The following BRINP1 variants were observed in gnomAD, a reference collection of about 807,000 sequenced individuals.
BRINP1 encodes BMP/retinoic acid inducible neural specific 1.
In BRINP1, 17 loss-of-function variants were observed where a neutral mutation model predicts 72.9. The ratio of observed to expected loss-of-function variants is 0.23; its 90% CI spans 0.16 to 0.35. BRINP1 has a LOEUF of 0.35. Ranked by LOEUF, BRINP1 falls within the 10% of genes least tolerant of loss-of-function variation. BRINP1 has a pLI of 1.00. For missense variants in BRINP1, 850 were observed against 1,001.6 expected (o/e 0.85, Z 2.04); for synonymous variants, 418 against 378.5 (o/e 1.10, Z -1.21).
At chr9:119,363,575 T>C (rs1831657250) in intron 1 of BRINP1, among the ~76,000 whole-genome samples, 1 of 152,224 alleles carries the variant, frequency 6.6e-6, no homozygotes, top group South Asian at 2.1e-4. Context: ...TTACCACGAC[T>C]AGTGGTGTGA....
At position 119,168,225 on chromosome 9, in the gene BRINP1, C is replaced by A; in HGVS notation, c.1146-1G>T. 1 of 1,499,638 alleles carries A rather than the reference C, an allele frequency of 6.7e-7. No individual in the cohort carries two copies. The allele number at this position is 1,499,638 out of a possible 1,614,324, so 92.9% of individuals were successfully genotyped here. A position where few individuals can be genotyped will look rare whatever the true frequency, so the allele number is the denominator to read the frequency against. ...CCTTGCAAGCCACTGCTGAATTGTC[C>A]TGGGAGATAAAGGAAAATTGGAGAA... On this transcript the variant is annotated splice_acceptor_variant, in intron 7 of 7. Transcript: ENST00000265922. LOFTEE classifies it high-confidence loss of function.
At chr9:119,318,222 G>T (rs975318607) in intron 1 of BRINP1, among the ~76,000 whole-genome samples, 2 of 152,150 alleles carry the variant, frequency 1.3e-5, no homozygotes, top group African/African-American at 4.8e-5. Flanking sequence ...TGAAAATGTG[G>T]TGAGGACACA....
At chr9:119,365,399 T>C (rs1259124503) in intron 1 of BRINP1, among the ~76,000 whole-genome samples, 2 of 152,332 alleles carry the variant, frequency 1.3e-5, no homozygotes, top group East Asian at 3.9e-4. Flanking sequence ...GTCTTTAACA[T>C]GGTTACCAGT....
chr9:119,222,025 TAAAC>T (rs1266383916), intron 5 of BRINP1, among the ~76,000 whole-genome samples: 3 of 152,232 alleles, frequency 2.0e-5, no homozygotes, highest in Admixed American at 6.6e-5. Context: ...TCTCCAAACT[TAAAC>T]AAGTTCACAT....
intron 1 of BRINP1, among the ~76,000 whole-genome samples, chr9:119,328,036 C>T (rs992979852): frequency 1.3e-5 from 2 of 151,950 alleles, no homozygotes; most frequent in Non-Finnish European, 2.9e-5. Context: ...AAGAGTAATG[C>T]AAATAAATAG....
At chr9:119,256,901 G>T (rs1830452649) in intron 2 of BRINP1, among the ~76,000 whole-genome samples, 1 of 152,236 alleles carries the variant, frequency 6.6e-6, no homozygotes, top group African/African-American at 2.4e-5. Flanking sequence ...TCGCTTACAT[G>T]AATCTGATCT....
chr9:119,208,808 C>T lies in BRINP1; in HGVS notation c.1056G>A (p.Gln352=), dbSNP rs1353672931. 6.2e-7 allele frequency: 1 copy of T among 1,614,212 alleles called. No homozygotes were observed. The highest frequency in any genetic ancestry group is 1.7e-5 in the Admixed American group (1 of 60,026). The change falls in exon 7 of 8, where the codon CAG becomes CAA. Residue 352 remains glutamine (Q), a synonymous_variant. Coordinates refer to ENST00000265922, the MANE Select transcript of BRINP1 (RefSeq NM_014618.3). ...YKLLQSATEA[Q]RQKIQRTARK... ...GGGCAGTGCGTTGGATCTTTTGTCT[C>T]TGTGCCTCCGTGGCACTCTGCAGGA... is the stretch of plus-strand genomic sequence containing the variant.
At chr9:119,292,638 T>C (rs1316545469) in intron 2 of BRINP1, among the ~76,000 whole-genome samples, 3 of 152,176 alleles carry the variant, frequency 2.0e-5, no homozygotes, top group Non-Finnish European at 2.9e-5. Flanking sequence ...ACTATGAAAG[T>C]CCAACTTCTA....
At chr9:119,324,648 G>A (rs1831219930) in intron 1 of BRINP1, among the ~76,000 whole-genome samples, 1 of 152,168 alleles carries the variant, frequency 6.6e-6, no homozygotes, top group African/African-American at 2.4e-5. Flanking sequence ...CATTAATGCT[G>A]ACCCTTGCTC....
chr9:119,255,940 G>A (rs1830442235), intron 2 of BRINP1, among the ~76,000 whole-genome samples: 1 of 126,436 alleles, frequency 7.9e-6, no homozygotes. Context: ...GGGCAACGGA[G>A]CAAGACTCCA....
At chr9:119,245,383 A>G (rs1830303522) in intron 3 of BRINP1, among the ~76,000 whole-genome samples, 1 of 152,192 alleles carries the variant, frequency 6.6e-6, no homozygotes, top group African/African-American at 2.4e-5. Flanking sequence ...ATGTACTTCC[A>G]TGCACGCATA....
In BRINP1 at chr9:119,214,100, C is replaced by T. The variant is rs771371899; in HGVS notation, c.741G>A (p.Leu247=). 1 of 1,614,180 alleles carries T rather than the reference C, an allele frequency of 6.2e-7. No individual in the cohort carries two copies. The highest frequency in any genetic ancestry group is 1.1e-5 in the South Asian group (1 of 91,080). Residue 247 remains leucine, a synonymous_variant, in exon 6 of 8, where the codon TTG becomes TTA. Transcript: ENST00000265922. ...YLQEKFVQSA[L]SYIMCNGEGE... is the part of the protein sequence containing the mutation. ...CCTCCCCATTGCACATGATATAGCT[C>T]AAGGCCGACTGGACAAACTTCTCTT...
At position 119,167,789 on chromosome 9, in the gene BRINP1, A is replaced by G. The variant is rs376040934; in HGVS notation, c.1581T>C (p.Thr527=). 90 of 1,613,588 alleles carry G rather than the reference A, an allele frequency of 5.6e-5. No homozygotes were observed. The highest frequency in any genetic ancestry group is 7.0e-5 in the Non-Finnish European group (83 of 1,179,984). ...DPRWRKRMSL[T]LKSNKNRMDF... ...CCATGCGGTTCTTGTTGCTCTTGAGAGTGAGGGACATGCGCTTGCGCCACC... is the reference window on the plus strand; with the variant it reads ...CCATGCGGTTCTTGTTGCTCTTGAGGGTGAGGGACATGCGCTTGCGCCACC... The change falls in exon 8 of 8, where the codon ACT becomes ACC. Residue 527 remains threonine, a synonymous_variant. Coordinates refer to ENST00000265922, the MANE Select transcript of BRINP1 (RefSeq NM_014618.3). The surrounding 1 kb of genome is among the most constrained non-coding windows in gnomAD (Gnocchi z 4.3).
chr9:119,292,793 T>G (rs1038476444), intron 2 of BRINP1, among the ~76,000 whole-genome samples: 1 of 152,120 alleles, frequency 6.6e-6, no homozygotes, highest in African/African-American at 2.4e-5. Context: ...ATGATGAGGG[T>G]TTTTTGTTGC....
chr9:119,318,702 C>A (rs981873388), intron 1 of BRINP1, among the ~76,000 whole-genome samples: 3 of 152,146 alleles, frequency 2.0e-5, no homozygotes, highest in Admixed American at 2.0e-4. Context: ...AGCCCTTCTA[C>A]ATGGCTTCTA....
At chr9:119,220,836 G>C (rs929944749) in intron 5 of BRINP1, among the ~76,000 whole-genome samples, 8 of 152,110 alleles carry the variant, frequency 5.3e-5, no homozygotes, top group Admixed American at 2.6e-4. Context: ...TGAAACATGA[G>C]CATGGTCTGA....
chr9:119,216,510 A>G lies in BRINP1; in HGVS notation c.686-2355T>C, dbSNP rs75487833. Among the ~76,000 whole-genome samples the G allele has an allele frequency of 5.9e-5, 9 of 152,286 alleles. No homozygotes were observed. The East Asian group carries it at 1.4e-3, about 23-fold the overall frequency. ...AAGTCCCTTCTGAACTGAGTCTACA[A>G]TTCTTTCAGAGTGTGCAATTCTTTC... On this transcript the variant is annotated intron_variant, in intron 5 of 7. Coordinates refer to ENST00000265922, the MANE Select transcript of BRINP1 (RefSeq NM_014618.3).
At chr9:119,211,808 G>A (rs964757553) in intron 6 of BRINP1, among the ~76,000 whole-genome samples, 2 of 152,212 alleles carry the variant, frequency 1.3e-5, no homozygotes, top group Non-Finnish European at 2.9e-5. Flanking sequence ...TCTAGAGGGA[G>A]TGTATGCCTT....
At chr9:119,226,320 C>T (rs1435833155) in intron 5 of BRINP1, among the ~76,000 whole-genome samples, 1 of 152,014 alleles carries the variant, frequency 6.6e-6, no homozygotes, top group Admixed American at 6.6e-5. Context: ...TCTGCACAAT[C>T]AATGAGATCG....
Sources: gnomAD v4.1 joint callset for allele counts (sites outside exome capture counted in the v4.1 genomes callset) on GRCh38, gnomAD v4.1.1 for gene constraint, Gnocchi (gnomAD v3.1) non-coding constraint, MANE v1.5 for transcripts, NCBI Gene and HGNC (gene_info 2026-07-23, HGNC 2026-07-21) for gene names.